Variants in PBX3 observed in about 807,000 individuals in gnomAD.
PBX3 encodes the protein PBX homeobox 3.
Under a neutral mutation model 48.5 loss-of-function variants are expected in PBX3, and 14 were observed. The ratio of observed to expected loss-of-function variants is 0.29; its 90% CI spans 0.19 to 0.45. PBX3 has a LOEUF of 0.45. Among genes scored for constraint, PBX3 ranks in the 20% least tolerant of loss-of-function variants. The probability of loss-of-function intolerance (pLI) is 1.00; values close to 1 mark genes in which losing one functional copy is unlikely to be tolerated. For synonymous variants in PBX3, 210 were observed against 200.3 expected (o/e 1.05, Z -0.41); for missense variants, 386 against 546.7 (o/e 0.71, Z 2.93).
chr9:125,850,054 C>A (rs1839536401), intron 2 of PBX3, among the ~76,000 whole-genome samples: 1 of 151,892 alleles, frequency 6.6e-6, no homozygotes, highest in Admixed American at 6.6e-5. Context: ...TTTAAAAAGT[C>A]CTTAAATATA....
chr9:125,855,917 A>T (rs1272825086), intron 2 of PBX3, among the ~76,000 whole-genome samples: 2 of 152,170 alleles, frequency 1.3e-5, no homozygotes, highest in Non-Finnish European at 2.9e-5. Flanking sequence ...TTTTAATTGG[A>T]AAAACCTTAT....
Position 125,825,112 on chromosome 9 carries a change from T to C in PBX3, c.274+76489T>C, listed in dbSNP as rs369827901. Among the ~76,000 whole-genome samples, 15 of 152,296 alleles carry C rather than the reference T, an allele frequency of 9.8e-5. No homozygotes were observed. In the South Asian group the frequency reaches 1.5e-3, roughly 15 times the overall value. On this transcript the variant is annotated intron_variant, in intron 2 of 8. Transcript: ENST00000373489. Reference sequence around the variant, plus strand: ...CAGCCTGGATAACATGGCGAAACCTTATCTCTACAAGAAATACAATAATTG... The same window carrying C: ...CAGCCTGGATAACATGGCGAAACCTCATCTCTACAAGAAATACAATAATTG...
intron 2 of PBX3, among the ~76,000 whole-genome samples, chr9:125,894,297 G>A (rs1005859885): frequency 5.9e-5 from 9 of 151,968 alleles, no homozygotes; most frequent in Admixed American, 2.0e-4. Context: ...AAGTTCTGTT[G>A]TTTTCGACAG....
chr9:125,853,812 A>G (rs1471888159), intron 2 of PBX3, among the ~76,000 whole-genome samples: 1 of 152,234 alleles, frequency 6.6e-6, no homozygotes, highest in Non-Finnish European at 1.5e-5. Flanking sequence ...TTGAATTAAC[A>G]TGAACACAAT....
rs1839670048 is a variant in PBX3 at position 125,854,516 on chromosome 9, G to T, written c.275-61170G>T. 2.0e-5 allele frequency among the ~76,000 whole-genome samples: 3 copies of T among 152,164 alleles called. No homozygotes were observed. The South Asian group carries it at 6.2e-4, about 32-fold the overall frequency. On this transcript the variant is annotated intron_variant, in intron 2 of 8. Transcript: ENST00000373489. ...AATAATTGCCCTTCAAATTGTATTT[G>T]CAGAATTGTTAGTGAAAAGGCCATT...
chr9:125,909,509 G>T (rs893995230), intron 2 of PBX3, among the ~76,000 whole-genome samples: 22 of 152,082 alleles, frequency 1.4e-4, no homozygotes, highest in African/African-American at 4.8e-4. Flanking sequence ...CATTATTTCA[G>T]GCTTGGCTCT....
rs540676829 is a variant in PBX3, at chr9:125,783,507, C to T, written c.274+34884C>T. On this transcript the variant is annotated intron_variant, in intron 2 of 8. Coordinates refer to ENST00000373489, the MANE Select transcript of PBX3 (RefSeq NM_006195.6). Reference sequence around the variant, plus strand: ...TTCACCACGTTGGCCAGGCTGGTTTCGAACTCCTGACCTCAAGTAATATGC... The same window carrying T: ...TTCACCACGTTGGCCAGGCTGGTTTTGAACTCCTGACCTCAAGTAATATGC... 2.2e-3 allele frequency among the ~76,000 whole-genome samples: 329 copies of T among 152,082 alleles called. 1 individual carries two copies. Among genetic ancestry groups the T allele is most frequent in the African/African-American group, 7.5e-3 (312 of 41,494 alleles).
chr9:125,862,328 A>T (rs1164873530), intron 2 of PBX3, among the ~76,000 whole-genome samples: 1 of 152,210 alleles, frequency 6.6e-6, no homozygotes, highest in African/African-American at 2.4e-5. Flanking sequence ...TGGTAAGAAC[A>T]CCAGCATCAA....
intron 2 of PBX3, among the ~76,000 whole-genome samples, chr9:125,835,403 A>G (rs1839103224): frequency 1.3e-5 from 2 of 152,174 alleles, no homozygotes; most frequent in African/African-American, 4.8e-5. Context: ...ACTGACTTGC[A>G]AGAGTCAAAA....
In PBX3 at chr9:125,775,668, C is replaced by T. The variant is rs1282934911; in HGVS notation, c.274+27045C>T. Among the ~76,000 whole-genome samples the T allele has an allele frequency of 2.0e-5, 3 of 152,182 alleles. No homozygotes were observed. The South Asian group carries it at 6.2e-4, about 31-fold the overall frequency. ...GTAGCTTTGCAGTCAGTTTTGAAAT[C>T]AGAAAGTGATGATGTATTAACTTTG... On this transcript the variant is annotated intron_variant, in intron 2 of 8. Coordinates refer to ENST00000373489, the MANE Select transcript of PBX3 (RefSeq NM_006195.6).
In PBX3 at chr9:125,934,512, AT is replaced by A. The variant is rs566068629; in HGVS notation, c.708-959del. 3.5e-4 allele frequency among the ~76,000 whole-genome samples: 53 copies of A among 152,354 alleles called. 1 individual carries two copies. The South Asian group carries it at 0.011, about 31-fold the overall frequency. Reference sequence around the variant, plus strand: ...AAAATCTTAATAACAAAACCCAAATATAAATGACATTTTTGCTACTTGAAAT... The same window carrying A: ...AAAATCTTAATAACAAAACCCAAATAAAATGACATTTTTGCTACTTGAAAT... On this transcript the variant is annotated intron_variant, in intron 4 of 8. Coordinates refer to ENST00000373489, the MANE Select transcript of PBX3 (RefSeq NM_006195.6).
At chr9:125,935,102 CTT>C (rs1421187647) in intron 4 of PBX3, among the ~76,000 whole-genome samples, 1 of 152,160 alleles carries the variant, frequency 6.6e-6, no homozygotes, top group Non-Finnish European at 1.5e-5. Flanking sequence ...TGCTCTAACC[CTT>C]TAGACAAGAT....
At chr9:125,882,032 C>T (rs974971164) in intron 2 of PBX3, among the ~76,000 whole-genome samples, 1 of 151,654 alleles carries the variant, frequency 6.6e-6, no homozygotes, top group South Asian at 2.1e-4. Context: ...GAGACTTCAT[C>T]TCTGCAAAAT....
intron 5 of PBX3, among the ~76,000 whole-genome samples, chr9:125,955,336 C>T (rs1015887237): frequency 2.6e-5 from 4 of 152,176 alleles, no homozygotes; most frequent in East Asian, 1.9e-4. Context: ...CCTGCTCCTC[C>T]CCAGGTACCA....
At chr9:125,954,262 T>C (rs991672210) in intron 5 of PBX3, among the ~76,000 whole-genome samples, 1 of 152,242 alleles carries the variant, frequency 6.6e-6, no homozygotes, top group Non-Finnish European at 1.5e-5. Context: ...AAAATAAGTA[T>C]ATTTTTATTT....
At chr9:125,868,037 G>A (rs1588239093) in intron 2 of PBX3, among the ~76,000 whole-genome samples, 1 of 151,934 alleles carries the variant, frequency 6.6e-6, no homozygotes, top group East Asian at 1.9e-4. Context: ...CTCCACGCCT[G>A]GTAATTTTCA....
chr9:125,912,754 A>ATTTT (rs1841232570), intron 2 of PBX3, among the ~76,000 whole-genome samples: 1 of 152,202 alleles, frequency 6.6e-6, no homozygotes. Context: ...GTACAATCAA[A>ATTTT]TTTTAAATGA....
intron 8 of PBX3, among the ~76,000 whole-genome samples, chr9:125,963,783 C>T (rs922859802): frequency 5.3e-5 from 8 of 151,882 alleles, no homozygotes; most frequent in Admixed American, 1.3e-4. Context: ...GCCCAGCTCA[C>T]GGTAGTAGAC....
At position 125,962,934 on chromosome 9, in the gene PBX3, A is replaced by G. The variant is rs939225652; in HGVS notation, c.1123-78A>G. 35 of 688,156 alleles carry G rather than the reference A, an allele frequency of 5.1e-5. No homozygotes were observed. The African/African-American group carries it at 5.3e-4, about 10-fold the overall frequency. The allele number at this position is 688,156 out of a possible 1,614,324, so 42.6% of individuals were successfully genotyped here. A position where few individuals can be genotyped will look rare whatever the true frequency, so the allele number is the denominator to read the frequency against. Reference sequence around the variant, plus strand: ...ATGTTAAACCCTTGTGGCACACATAATTCAAATTATTTCCTTTTGTAAGTG... The same window carrying G: ...ATGTTAAACCCTTGTGGCACACATAGTTCAAATTATTTCCTTTTGTAAGTG... On this transcript the variant is annotated intron_variant, in intron 7 of 8. Transcript: ENST00000373489.
Sources: gnomAD v4.1 joint callset for allele counts (sites outside exome capture counted in the v4.1 genomes callset) on GRCh38, gnomAD v4.1.1 for gene constraint, MANE v1.5 for transcripts, NCBI Gene and HGNC (gene_info 2026-07-23, HGNC 2026-07-21) for gene names.